The following SYNRG variants were observed in gnomAD, a reference collection of about 807,000 sequenced individuals.
SYNRG encodes AP1 gamma subunit binding protein 1.
A neutral mutation model predicts 130.9 loss-of-function variants in SYNRG; 37 were observed. That is an observed-to-expected ratio of 0.28 (90% CI 0.22 to 0.37). The LOEUF (loss-of-function observed/expected upper bound fraction) is 0.37. Ranked by LOEUF, SYNRG falls within the 10% of genes least tolerant of loss-of-function variation. SYNRG has a pLI of 1.00. For missense variants in SYNRG, 1,338 were observed against 1,588.9 expected (o/e 0.84, Z 2.68); for synonymous variants, 539 against 568.1 (o/e 0.95, Z 0.73).
At chr17:37,574,082 G>A (rs1408550724) in intron 8 of SYNRG, among the ~76,000 whole-genome samples, 1 of 152,078 alleles carries the variant, frequency 6.6e-6, no homozygotes, top group African/African-American at 2.4e-5. Context: ...CAATGGAACA[G>A]AATAGAGAAC....
Position 37,520,525 on chromosome 17 carries a change from C to T in SYNRG, c.3777+13G>A. ...AAGCCCTTTGCTGTCTGCAAGGAGG[C>T]TGCGTGACTTACCCGGCTCCTCGAG... is the stretch of plus-strand genomic sequence containing the variant. On this transcript the variant is annotated intron_variant, in intron 20 of 21. Coordinates refer to ENST00000612223, the MANE Select transcript of SYNRG (RefSeq NM_007247.6). 1 of 1,612,346 alleles carries T rather than the reference C, an allele frequency of 6.2e-7. No homozygotes were observed.
intron 13 of SYNRG, 129 bp from the exon 14 acceptor site, chr17:37,554,188 T>A: frequency 2.6e-6 from 2 of 780,502 alleles, no homozygotes; most frequent in Non-Finnish European, 4.0e-6. Context: ...TAATAATGTT[T>A]ACATACTTTA....
intron 19 of SYNRG, among the ~76,000 whole-genome samples, chr17:37,530,711 T>C (rs1281470390): frequency 6.6e-6 from 1 of 152,178 alleles, no homozygotes; most frequent in Non-Finnish European, 1.5e-5. Context: ...TCTCTGAATG[T>C]AAATAGAGAA....
chr17:37,574,642 T>A (rs759130664), intron 8 of SYNRG, among the ~76,000 whole-genome samples: 11 of 152,138 alleles, frequency 7.2e-5, no homozygotes, highest in Non-Finnish European at 1.0e-4. Flanking sequence ...CAAACAAGTT[T>A]ATGAAAAGAG....
intron 19 of SYNRG, among the ~76,000 whole-genome samples, chr17:37,531,864 T>C (rs925191918): frequency 4.6e-5 from 7 of 152,200 alleles, no homozygotes; most frequent in African/African-American, 1.7e-4. Flanking sequence ...AGCCCTGTAG[T>C]AACACTTCTG....
At chr17:37,591,084 A>G (rs1181723010) in intron 3 of SYNRG, among the ~76,000 whole-genome samples, 2 of 152,198 alleles carry the variant, frequency 1.3e-5, no homozygotes, top group African/African-American at 4.8e-5. Context: ...AATCCCATGG[A>G]ATCCACAAAA....
intron 19 of SYNRG, among the ~76,000 whole-genome samples, chr17:37,535,366 T>C (rs1274534309): frequency 6.6e-6 from 1 of 152,218 alleles, no homozygotes; most frequent in Non-Finnish European, 1.5e-5. Flanking sequence ...TGTACTTACA[T>C]ATTTCTGGTA....
chr17:37,561,094 C>G, intron 13 of SYNRG, 101 bp downstream of exon 13: 1 of 974,982 alleles, frequency 1.0e-6, no homozygotes, highest in Non-Finnish European at 1.6e-6. Context: ...CACAGACACA[C>G]ACACACTAAA....
At chr17:37,599,364 A>G (rs1246782782) in intron 2 of SYNRG, among the ~76,000 whole-genome samples, 1 of 152,220 alleles carries the variant, frequency 6.6e-6, no homozygotes, top group East Asian at 1.9e-4. Context: ...TAGAATTGAT[A>G]TTGGTGGGTC....
chr17:37,604,773 C>G lies in SYNRG; in HGVS notation c.78-4370G>C, dbSNP rs140871874. ...GATTTAAAGGGAGAGATGGGCGACT[C>G]TTCCTTTCACTTGAACACTTAGAGG... On this transcript the variant is annotated intron_variant, in intron 1 of 21. Coordinates refer to ENST00000612223, the MANE Select transcript of SYNRG (RefSeq NM_007247.6). 9.6e-4 allele frequency among the ~76,000 whole-genome samples: 146 copies of G among 152,278 alleles called. No homozygotes were observed. In the Middle Eastern group the frequency reaches 0.01, roughly 11 times the overall value.
At chr17:37,583,840 A>T (rs1426017934) in intron 6 of SYNRG, among the ~76,000 whole-genome samples, 2 of 152,078 alleles carry the variant, frequency 1.3e-5, no homozygotes, top group Non-Finnish European at 2.9e-5. Flanking sequence ...GAATACAGGC[A>T]TGCACAACCA....
At chr17:37,589,369 G>C (rs915262250) in intron 3 of SYNRG, among the ~76,000 whole-genome samples, 2 of 152,176 alleles carry the variant, frequency 1.3e-5, no homozygotes, top group African/African-American at 4.8e-5. Flanking sequence ...ACAGCAATGG[G>C]ACAAATACAT....
chr17:37,609,089 C>G (rs1384722336), intron 1 of SYNRG, among the ~76,000 whole-genome samples, 190 bp downstream of exon 1: 4 of 151,882 alleles, frequency 2.6e-5, no homozygotes, highest in Admixed American at 2.0e-4. Flanking sequence ...CCAACTGATC[C>G]CGGAACACCA....
intron 14 of SYNRG, among the ~76,000 whole-genome samples, chr17:37,551,067 T>C (rs2058674402): frequency 6.6e-6 from 1 of 152,198 alleles, no homozygotes; most frequent in African/African-American, 2.4e-5. Context: ...CAGAGTTAAG[T>C]TAGGGCTTCT....
intron 3 of SYNRG, among the ~76,000 whole-genome samples, chr17:37,590,284 T>C (rs1261568633): frequency 6.6e-6 from 1 of 152,096 alleles, no homozygotes; most frequent in Non-Finnish European, 1.5e-5. Context: ...TTTATCCATC[T>C]GTCTTAATTT....
intron 10 of SYNRG, among the ~76,000 whole-genome samples, chr17:37,570,056 G>A (rs1057440021): frequency 6.7e-6 from 1 of 149,078 alleles, no homozygotes; most frequent in Non-Finnish European, 1.5e-5. Flanking sequence ...AAAAATTCTT[G>A]TATATCTTTG....
At chr17:37,599,772 A>G (rs2146996409) in intron 2 of SYNRG, among the ~76,000 whole-genome samples, 1 of 152,336 alleles carries the variant, frequency 6.6e-6, no homozygotes, top group Middle Eastern at 3.4e-3. Flanking sequence ...TAAATACTTA[A>G]GCTGAATCAG....
chr17:37,521,409 G>A (rs940660468), intron 19 of SYNRG, among the ~76,000 whole-genome samples: 3 of 152,086 alleles, frequency 2.0e-5, no homozygotes, highest in Admixed American at 2.0e-4. Flanking sequence ...GTTGGGTGAG[G>A]TAGGGGAGGG....
chr17:37,580,244 T>C (rs1042603997), intron 6 of SYNRG, among the ~76,000 whole-genome samples: 1 of 151,874 alleles, frequency 6.6e-6, no homozygotes, highest in Non-Finnish European at 1.5e-5. Context: ...CACACTTGCA[T>C]AGATCATATT....
Sources: gnomAD v4.1 joint callset for allele counts (sites outside exome capture counted in the v4.1 genomes callset) on GRCh38, gnomAD v4.1.1 for gene constraint, MANE v1.5 for transcripts, NCBI Gene and HGNC (gene_info 2026-07-23, HGNC 2026-07-21) for gene names.